The following HSD17B12 variants were observed in gnomAD, a reference collection of about 807,000 sequenced individuals.
HSD17B12 encodes very-long-chain 3-oxoacyl-CoA reductase.
A neutral mutation model predicts 39.3 loss-of-function variants in HSD17B12; 32 were observed. The observed-to-expected ratio is 0.81, with a 90% CI of 0.61 to 1.09. The LOEUF is 1.09. Among genes scored for constraint, HSD17B12 ranks in the 50% least tolerant of loss-of-function variants. The pLI is 0.00. For missense variants in HSD17B12, 342 were observed against 382.9 expected, an observed-to-expected ratio of 0.89 and a Z score of 0.89; for synonymous variants, 150 against 146.7, an observed-to-expected ratio of 1.02 and a Z score of -0.16.
intron 6 of HSD17B12, among the ~76,000 whole-genome samples, chr11:43,828,187 G>C (rs1380278039): frequency 1.4e-5 from 2 of 146,102 alleles, no homozygotes; most frequent in Non-Finnish European, 3.0e-5. Context: ...CTGTCGCCCA[G>C]GCTGGAGTGC....
At chr11:43,710,218 A>G (rs1192050599) in intron 1 of HSD17B12, among the ~76,000 whole-genome samples, 5 of 152,218 alleles carry the variant, frequency 3.3e-5, no homozygotes, top group African/African-American at 1.2e-4. Context: ...GAAGTTTTCT[A>G]CATACTCAAG....
At chr11:43,711,013 G>A (rs1474238374) in intron 1 of HSD17B12, among the ~76,000 whole-genome samples, 4 of 152,052 alleles carry the variant, frequency 2.6e-5, no homozygotes, top group Non-Finnish European at 5.9e-5. Context: ...GGCTGGTCTC[G>A]AACTCCTGAC....
intron 4 of HSD17B12, chr11:43,806,416 G>C (rs1441068195): frequency 6.6e-6 from 1 of 151,992 alleles, no homozygotes; most frequent in Non-Finnish European, 1.5e-5. Context: ...ATTCACAGTA[G>C]CCAAAATATG....
At chr11:43,695,765 T>G (rs751518617) in intron 1 of HSD17B12, among the ~76,000 whole-genome samples, 1 of 152,178 alleles carries the variant, frequency 6.6e-6, no homozygotes, top group Non-Finnish European at 1.5e-5. Flanking sequence ...TAGATTTTAG[T>G]TGGCCATCTG....
chr11:43,658,098 T>C, the HSD17B12 span, among the ~76,000 whole-genome samples: 10 of 152,200 alleles, frequency 6.6e-5, no homozygotes, highest in African/African-American at 2.4e-4. Context: ...TTCGTTTCTT[T>C]TTATTCTTTT....
intron 6 of HSD17B12, among the ~76,000 whole-genome samples, chr11:43,820,441 A>G (rs11037658): frequency 0.019 from 2,860 of 152,244 alleles, 83 homozygotes; most frequent in African/African-American, 0.051. Flanking sequence ...AATTGCACCT[A>G]TTGTTCTTTA....
chr11:43,680,543 T>G, upstream of HSD17B12: 1 of 461,988 alleles, frequency 2.2e-6, no homozygotes, highest in Non-Finnish European at 3.9e-6. Context: ...CTCGGTGGGG[T>G]GAGACAGGGC....
chr11:43,735,992 C>A (rs1040055948), intron 1 of HSD17B12, among the ~76,000 whole-genome samples: 1 of 152,176 alleles, frequency 6.6e-6, no homozygotes, highest in Non-Finnish European at 1.5e-5. Context: ...CCGTGTTACT[C>A]CCACATTTTG....
At chr11:43,620,791 T>G in the HSD17B12 span, among the ~76,000 whole-genome samples, 1 of 152,254 alleles carries the variant, frequency 6.6e-6, no homozygotes, top group African/African-American at 2.4e-5. Context: ...CTGGTCCATT[T>G]GTTACCTCTG....
At chr11:43,586,532 G>C in the HSD17B12 span, among the ~76,000 whole-genome samples, 1 of 152,180 alleles carries the variant, frequency 6.6e-6, no homozygotes. Context: ...GAGCTGTTAA[G>C]AGGGTAGTTA....
At chr11:43,575,083 G>A in the HSD17B12 span, among the ~76,000 whole-genome samples, 1 of 152,194 alleles carries the variant, frequency 6.6e-6, no homozygotes, top group African/African-American at 2.4e-5. The surrounding 1 kb of genome is among the most constrained non-coding windows in gnomAD (Gnocchi z 4.1). Flanking sequence ...CCCCACACAG[G>A]GGAGCCCCTA....
the HSD17B12 span, among the ~76,000 whole-genome samples, chr11:43,664,602 G>A: frequency 2.6e-5 from 4 of 152,142 alleles, no homozygotes; most frequent in Non-Finnish European, 2.9e-5. Flanking sequence ...TATTGTTCTA[G>A]GCTACTCCTA....
the HSD17B12 span, among the ~76,000 whole-genome samples, chr11:43,583,256 C>G: frequency 2.6e-5 from 4 of 152,356 alleles, no homozygotes; most frequent in South Asian, 8.3e-4. Context: ...ACTTCTCCCT[C>G]CGAGGCTAAG....
At chr11:43,680,691 C>T (rs745984285), upstream of HSD17B12, 2 of 771,272 alleles carry the variant, frequency 2.6e-6, no homozygotes, top group South Asian at 1.6e-5. Flanking sequence ...TATGGCCCCG[C>T]GGGCGGGGTT....
chr11:43,730,845 A>G (rs1274616259), intron 1 of HSD17B12, among the ~76,000 whole-genome samples: 1 of 152,166 alleles, frequency 6.6e-6, no homozygotes, highest in Admixed American at 6.5e-5. Context: ...ATAGGACTTT[A>G]TTGTAGTGTT....
intron 3 of HSD17B12, among the ~76,000 whole-genome samples, chr11:43,773,266 T>C (rs1448278727): frequency 1.3e-5 from 2 of 152,206 alleles, no homozygotes; most frequent in African/African-American, 4.8e-5. Context: ...TTTTCAGAGA[T>C]AAGGTCTTGC....
At chr11:43,687,209 A>G (rs1362936165) in intron 1 of HSD17B12, among the ~76,000 whole-genome samples, 1 of 152,216 alleles carries the variant, frequency 6.6e-6, no homozygotes, top group African/African-American at 2.4e-5. Context: ...AACATGTAGC[A>G]ATTCATATGC....
At chr11:43,734,731 C>T (rs188045568) in intron 1 of HSD17B12, among the ~76,000 whole-genome samples, 1 of 152,256 alleles carries the variant, frequency 6.6e-6, no homozygotes, top group African/African-American at 2.4e-5. Context: ...CCCCATCCCC[C>T]CAAAAAATGG....
At chr11:43,585,610 T>A in the HSD17B12 span, among the ~76,000 whole-genome samples, 1 of 152,248 alleles carries the variant, frequency 6.6e-6, no homozygotes, top group South Asian at 2.1e-4. Context: ...GTAAATTGAC[T>A]GGAATCGTCT....
Sources: allele counts gnomAD v4.1 joint callset (sites outside exome capture counted in the v4.1 genomes callset), GRCh38; gene constraint gnomAD v4.1.1; non-coding constraint Gnocchi (gnomAD v3.1); transcripts MANE v1.5; gene names NCBI Gene and HGNC (gene_info 2026-07-23, HGNC 2026-07-21).